MEGF11: variants seen among roughly 807,000 people sequenced by gnomAD.
MEGF11 encodes multiple EGF like domains 11.
A neutral mutation model predicts 146.6 loss-of-function variants in MEGF11; 126 were observed. The ratio of observed to expected loss-of-function variants is 0.86; its 90% CI spans 0.74 to 1.00. The LOEUF (loss-of-function observed/expected upper bound fraction) is 1.00. Among genes scored for constraint, MEGF11 ranks in the 50% least tolerant of loss-of-function variants. The pLI is 0.00. For missense variants in MEGF11, 1,509 were observed against 1,521.2 expected (o/e 0.99, Z 0.13); for synonymous variants, 532 against 583.4 (o/e 0.91, Z 1.27).
intron 1 of MEGF11, among the ~76,000 whole-genome samples, chr15:66,176,266 A>C (rs1485530949): frequency 1.3e-5 from 2 of 152,248 alleles, no homozygotes; most frequent in Non-Finnish European, 2.9e-5. Context: ...TCAAAAAACT[A>C]AAAATAGCAC....
intron 5 of MEGF11, among the ~76,000 whole-genome samples, chr15:66,070,700 CG>C (rs2085328568): frequency 1.3e-5 from 2 of 152,194 alleles, no homozygotes; most frequent in Admixed American, 6.5e-5. Flanking sequence ...CCCGCAGCAG[CG>C]GGGAGGCCTT....
At chr15:66,165,083 A>C (rs2090061566) in intron 1 of MEGF11, among the ~76,000 whole-genome samples, 1 of 152,164 alleles carries the variant, frequency 6.6e-6, no homozygotes, top group African/African-American at 2.4e-5. Context: ...CCAACCCCTC[A>C]CAGCACGTTA....
chr15:65,964,821 G>A (rs2080997182), intron 9 of MEGF11, 87 bp downstream of exon 9: 8 of 1,272,552 alleles, frequency 6.3e-6, no homozygotes, highest in Non-Finnish European at 2.2e-6. Context: ...GTCCATGCTA[G>A]AGGTGGGGGG....
chr15:66,002,147 G>T (rs1245642925), intron 5 of MEGF11, among the ~76,000 whole-genome samples: 1 of 152,152 alleles, frequency 6.6e-6, no homozygotes, highest in Admixed American at 6.5e-5. Flanking sequence ...GCATCTTGGT[G>T]GTGGGGAGAC....
intron 5 of MEGF11, among the ~76,000 whole-genome samples, chr15:66,061,647 T>TTTTG (rs1442321374): frequency 6.6e-6 from 1 of 150,890 alleles, no homozygotes; most frequent in Non-Finnish European, 1.5e-5. Flanking sequence ...GAGCCTTTTT[T>TTTTG]TTTTTTGAGG....
chr15:66,196,214 A>C (rs1169049121), intron 1 of MEGF11, among the ~76,000 whole-genome samples: 1 of 152,126 alleles, frequency 6.6e-6, no homozygotes, highest in African/African-American at 2.4e-5. Flanking sequence ...GCTCATGCCT[A>C]TAATCCCAGC....
intron 5 of MEGF11, among the ~76,000 whole-genome samples, chr15:65,998,753 T>C (rs2082274329): frequency 6.6e-6 from 1 of 152,048 alleles, no homozygotes; most frequent in Non-Finnish European, 1.5e-5. Flanking sequence ...GCCTCGTCAG[T>C]CACCCAGCAA....
At chr15:65,981,255 CAA>C (rs1174627232) in intron 6 of MEGF11, among the ~76,000 whole-genome samples, 2 of 152,260 alleles carry the variant, frequency 1.3e-5, no homozygotes, top group Admixed American at 1.3e-4. Context: ...CATGCCAGGC[CAA>C]AGTCATTGCA....
At chr15:66,138,965 G>A (rs962422985) in intron 1 of MEGF11, among the ~76,000 whole-genome samples, 9 of 152,148 alleles carry the variant, frequency 5.9e-5, no homozygotes, top group African/African-American at 2.2e-4. Context: ...ACTGCCTCCC[G>A]GGGGTGGGGC....
At chr15:66,073,331 C>G (rs1176192442) in intron 5 of MEGF11, among the ~76,000 whole-genome samples, 1 of 152,206 alleles carries the variant, frequency 6.6e-6, no homozygotes, top group Non-Finnish European at 1.5e-5. Context: ...GTGGCTGTCC[C>G]TGAGAGGCTG....
Position 66,109,221 on chromosome 15 carries a change from T to G in MEGF11, c.301+9865A>C, listed in dbSNP as rs371418986. Among the ~76,000 whole-genome samples, 10 of 152,078 alleles carry G rather than the reference T, an allele frequency of 6.6e-5. No individual in the cohort carries two copies. The South Asian group carries it at 2.1e-3, about 32-fold the overall frequency. On this transcript the variant is annotated intron_variant, in intron 4 of 25. Coordinates refer to ENST00000395614, the MANE Select transcript of MEGF11 (RefSeq NM_001385028.1). Reference sequence around the variant, plus strand: ...CCCATCCCTGCACACCCCCCATAACTTGCCTTTCACCACCTTCACTGGTGG... The same window carrying G: ...CCCATCCCTGCACACCCCCCATAACGTGCCTTTCACCACCTTCACTGGTGG...
chr15:66,132,076 C>T (rs575989194), intron 1 of MEGF11, among the ~76,000 whole-genome samples: 18 of 152,328 alleles, frequency 1.2e-4, no homozygotes, highest in East Asian at 7.7e-4. Flanking sequence ...TCATAGCAAA[C>T]GATCCCTCCT....
In MEGF11 at chr15:65,922,461, C is replaced by T. The variant is rs1363411916; in HGVS notation, c.1834G>A (p.Gly612Arg). ...TGGGCGCAGCCGTGGCCATAGAACC[C>T]AGGGGGGCAGACTGAGGGTGAAGGG... is the stretch of plus-strand genomic sequence containing the variant. ...GPLCQRICPPGFYGHGCAQPC... is the reference protein window; with the variant it reads ...GPLCQRICPPRFYGHGCAQPC... Residue 612 changes from glycine (G) to arginine (R), a missense_variant, in exon 15 of 26, where the codon GGG becomes AGG. Gly to Arg is a moderately radical substitution (Grantham distance 125). Coordinates refer to ENST00000395614, the MANE Select transcript of MEGF11 (RefSeq NM_001385028.1). The T allele has an allele frequency of 5.1e-6, 8 of 1,573,834 alleles. No homozygotes were observed. Among genetic ancestry groups the T allele is most frequent in the Middle Eastern group, 3.3e-4 (2 of 6,012 alleles).
intron 17 of MEGF11, chr15:65,916,521 T>C (rs2079003026): frequency 9.1e-6 from 6 of 657,108 alleles, no homozygotes; most frequent in African/African-American, 3.6e-5. Flanking sequence ...CTACTTCCTG[T>C]GTGGACACAG....
intron 5 of MEGF11, among the ~76,000 whole-genome samples, chr15:66,022,133 G>A (rs1243357500): frequency 1.3e-5 from 2 of 152,246 alleles, no homozygotes; most frequent in Admixed American, 1.3e-4. Context: ...GGGCCACCCT[G>A]GCCCTGGGTC....
chr15:66,178,499 G>C (rs2090453583), intron 1 of MEGF11, among the ~76,000 whole-genome samples: 1 of 152,186 alleles, frequency 6.6e-6, no homozygotes, highest in Admixed American at 6.5e-5. Flanking sequence ...TGTCCATGAG[G>C]TTTTAGCACC....
In MEGF11 at chr15:66,121,005, G is replaced by T. The variant is rs540957222; in HGVS notation, c.201-1819C>A. 8.5e-5 allele frequency among the ~76,000 whole-genome samples: 13 copies of T among 152,304 alleles called. 1 individual carries two copies. In the South Asian group the frequency reaches 2.7e-3, roughly 32 times the overall value. On this transcript the variant is annotated intron_variant, in intron 3 of 25. Transcript: ENST00000395614. ...GCTGCTCTCAGGGGAAGGATGCTGG[G>T]TTAAAACATGCCATTCCAAACCAAA...
intron 9 of MEGF11, among the ~76,000 whole-genome samples, chr15:65,962,352 C>T (rs1048121381): frequency 2.6e-5 from 4 of 152,136 alleles, no homozygotes; most frequent in African/African-American, 7.2e-5. Context: ...CACCCTGGGA[C>T]ATCCGGCAAT....
chr15:66,147,399 T>C (rs1280742146), intron 1 of MEGF11, among the ~76,000 whole-genome samples: 1 of 152,230 alleles, frequency 6.6e-6, no homozygotes, highest in East Asian at 1.9e-4. Flanking sequence ...GCCCTGCACA[T>C]GTAACACGTC....
Sources: allele counts gnomAD v4.1 joint callset (sites outside exome capture counted in the v4.1 genomes callset), GRCh38; gene constraint gnomAD v4.1.1; transcripts MANE v1.5; gene names NCBI Gene and HGNC (gene_info 2026-07-23, HGNC 2026-07-21).